HECTD4: variants seen among roughly 807,000 people sequenced by gnomAD.
HECTD4 encodes HECT domain E3 ubiquitin protein ligase 4.
Under a neutral mutation model 471.5 loss-of-function variants are expected in HECTD4, and 114 were observed. The ratio of observed to expected loss-of-function variants is 0.24; its 90% CI spans 0.21 to 0.28. The LOEUF is 0.28. HECTD4 is among the 10% of genes least tolerant of loss of function. The pLI, the probability that HECTD4 is intolerant of heterozygous loss-of-function variation, is 1.00. For missense variants in HECTD4, 3,866 were observed against 5,651.5 expected (o/e 0.68, Z 10.13); for synonymous variants, 2,012 against 2,256.0 (o/e 0.89, Z 3.07).
At chr12:112,380,629 G>A (rs1036334957) in intron 1 of HECTD4, among the ~76,000 whole-genome samples, 1 of 151,984 alleles carries the variant, frequency 6.6e-6, no homozygotes, top group East Asian at 1.9e-4. Context: ...ACAATAAAAC[G>A]ATGATTCCAT....
chr12:112,293,702 C>T (rs187872685), intron 7 of HECTD4, among the ~76,000 whole-genome samples: 16 of 152,224 alleles, frequency 1.1e-4, no homozygotes, highest in East Asian at 3.9e-4. Context: ...GTGCTCCGTC[C>T]GTGGAAGGAT....
At chr12:112,378,613 G>C (rs958797472) in intron 1 of HECTD4, among the ~76,000 whole-genome samples, 5 of 152,130 alleles carry the variant, frequency 3.3e-5, no homozygotes, top group Non-Finnish European at 5.9e-5. Context: ...TAATCCGAAA[G>C]TGTTAACTGA....
chr12:112,216,244 T>G, intron 48 of HECTD4, 48 bp downstream of exon 48: 11 of 1,299,046 alleles, frequency 8.5e-6, no homozygotes, highest in African/African-American at 1.5e-5. Context: ...GACCCAAACC[T>G]GAGACCAACA....
Position 112,162,769 on chromosome 12 carries a change from T to G in HECTD4, c.13121-246A>C. On this transcript the variant is annotated intron_variant, in intron 75 of 75. Coordinates refer to ENST00000682272, the MANE Select transcript of HECTD4 (RefSeq NM_001388303.1). The surrounding 1 kb of genome is among the most constrained non-coding windows in gnomAD (Gnocchi z 5.2). The stretch of plus-strand genomic sequence containing the variant: ...GTTTGTCTGCCCAGCAAATTGTTTC[T>G]TTTTTTTTTTTTTTAACCATTTTTC... The G allele has an allele frequency of 6.5e-6, 1 of 154,402 alleles. No homozygotes were observed. Among genetic ancestry groups the G allele is most frequent in the African/African-American group, 2.7e-5 (1 of 37,268 alleles). 9.6% of individuals were successfully genotyped at this position (154,402 alleles called of 1,614,324 possible).
intron 60 of HECTD4, among the ~76,000 whole-genome samples, chr12:112,187,828 G>A (rs1437829530): frequency 2.7e-5 from 4 of 150,772 alleles, no homozygotes; most frequent in Non-Finnish European, 4.4e-5. Flanking sequence ...CGGTTTCACT[G>A]TGTTAGCCAG....
intron 7 of HECTD4, 142 bp downstream of exon 7, chr12:112,305,922 A>T (rs767877347): frequency 7.5e-6 from 5 of 664,338 alleles, no homozygotes; most frequent in Non-Finnish European, 1.1e-5. Flanking sequence ...CTTCAAAGAC[A>T]TCTAAGAGAA....
At chr12:112,309,333 G>A (rs190809274) in intron 5 of HECTD4, among the ~76,000 whole-genome samples, 2 of 152,288 alleles carry the variant, frequency 1.3e-5, no homozygotes, top group East Asian at 3.9e-4. Context: ...CAATGATCTT[G>A]GGGCTACCAA....
chr12:112,314,984 A>C (rs2035449323), intron 2 of HECTD4, among the ~76,000 whole-genome samples: 1 of 152,220 alleles, frequency 6.6e-6, no homozygotes, highest in East Asian at 1.9e-4. Context: ...AAACTCCATC[A>C]CATTAAATAT....
chr12:112,206,318 CACCCTGTCACT>C (rs2032579138), intron 52 of HECTD4, among the ~76,000 whole-genome samples: 1 of 151,946 alleles, frequency 6.6e-6, no homozygotes, highest in South Asian at 2.1e-4. Flanking sequence ...GATATAGCAA[CACCCTGTCACT>C]ACAAAAAATA....
rs150752219 is a variant in HECTD4 at position 112,346,375 on chromosome 12, T to C, written c.178-26633A>G. Among the ~76,000 whole-genome samples the C allele has an allele frequency of 3.1e-4, 47 of 152,350 alleles. 1 individual carries two copies. The highest frequency in any genetic ancestry group is 3.4e-3 in the Middle Eastern group (1 of 294). ...AGAAATTCTTTTCTCTCTCTCCTTTTGTTTCCTTTTCTTTCCCTCCCCTCA... is the reference window on the plus strand; with the variant it reads ...AGAAATTCTTTTCTCTCTCTCCTTTCGTTTCCTTTTCTTTCCCTCCCCTCA... On this transcript the variant is annotated intron_variant, in intron 1 of 75. Transcript: ENST00000682272.
At position 112,239,092 on chromosome 12, in the gene HECTD4, C is replaced by T; in HGVS notation, c.5250G>A (p.Gln1750=). The stretch of plus-strand genomic sequence containing the variant: ...ACTCAACACAGCGGTTGGCAAGCAC[C>T]TGGAAGGCAGCCCAGGCCATGGTGG... ...KVATMAWAAF[Q]VLANRCVEWE... Residue 1750 remains glutamine (Q), a synonymous_variant, in exon 34 of 76, where the codon CAG becomes CAA. Transcript: ENST00000682272. The surrounding 1 kb of genome is among the most constrained non-coding windows in gnomAD (Gnocchi z 4.9). 6.2e-7 allele frequency: 1 copy of T among 1,613,584 alleles called. No individual in the cohort carries two copies. The highest frequency in any genetic ancestry group is 8.5e-7 in the Non-Finnish European group (1 of 1,179,704).
intron 1 of HECTD4, among the ~76,000 whole-genome samples, chr12:112,337,469 C>A (rs1015631459): frequency 2.6e-5 from 4 of 152,030 alleles, no homozygotes; most frequent in Non-Finnish European, 5.9e-5. Context: ...CTATGTTTAG[C>A]CAAAAAAGAT....
At chr12:112,320,635 A>G (rs537472586) in intron 1 of HECTD4, among the ~76,000 whole-genome samples, 1 of 151,868 alleles carries the variant, frequency 6.6e-6, no homozygotes, top group Non-Finnish European at 1.5e-5. Context: ...CGGGAGGTAG[A>G]GGTTGCAGTG....
intron 1 of HECTD4, among the ~76,000 whole-genome samples, chr12:112,372,505 C>T (rs1197291228): frequency 4.0e-5 from 1 of 24,894 alleles, no homozygotes; most frequent in Non-Finnish European, 6.6e-5. Context: ...TCGTGATCCG[C>T]CCACCTGACC....
intron 7 of HECTD4, among the ~76,000 whole-genome samples, chr12:112,294,136 T>A (rs1391319631): frequency 1.3e-5 from 2 of 152,150 alleles, no homozygotes; most frequent in Admixed American, 6.5e-5. Context: ...TTTCTTTTCT[T>A]ACAGGCCATG....
chr12:112,170,668 CAAACT>C, intron 68 of HECTD4: 1 of 557,220 alleles, frequency 1.8e-6, no homozygotes, highest in Non-Finnish European at 3.1e-6. Flanking sequence ...ACAATGCAAA[CAAACT>C]AGAGTTGCAA....
chr12:112,329,093 T>C (rs987609435), intron 1 of HECTD4, among the ~76,000 whole-genome samples: 2 of 152,214 alleles, frequency 1.3e-5, no homozygotes, highest in African/African-American at 4.8e-5. Context: ...GTGCTGTCCC[T>C]TTGACCAGGG....
chr12:112,257,946 T>C (rs953556458), intron 20 of HECTD4, among the ~76,000 whole-genome samples: 2 of 152,100 alleles, frequency 1.3e-5, no homozygotes, highest in African/African-American at 4.8e-5. Flanking sequence ...TCCCAGCACT[T>C]TGGGAGGCTG....
At chr12:112,302,271 G>T in intron 7 of HECTD4, 1 of 976,106 alleles carries the variant, frequency 1.0e-6, no homozygotes, top group Non-Finnish European at 1.6e-6. Flanking sequence ...CGAAGGGCAG[G>T]TGGTCTCTTA....
Sources: allele counts gnomAD v4.1 joint callset (sites outside exome capture counted in the v4.1 genomes callset), GRCh38; gene constraint gnomAD v4.1.1; non-coding constraint Gnocchi (gnomAD v3.1); transcripts MANE v1.5; gene names NCBI Gene and HGNC (gene_info 2026-07-23, HGNC 2026-07-21).